The following SMYD3 variants were observed in gnomAD, a reference collection of about 807,000 sequenced individuals.
The protein encoded by SMYD3 is histone-lysine N-methyltransferase SMYD3.
In SMYD3, 36 loss-of-function variants were observed where a neutral mutation model predicts 57.7. The ratio of observed to expected loss-of-function variants is 0.62; its 90% confidence interval spans 0.48 to 0.82. The LOEUF (loss-of-function observed/expected upper bound fraction) is 0.82. SMYD3 is among the 40% of genes least tolerant of loss of function. The pLI, the probability that SMYD3 is intolerant of heterozygous loss-of-function variation, is 0.00. For synonymous variants in SMYD3, 211 were observed against 195.0 expected (o/e 1.08, Z -0.68); for missense variants, 515 against 538.8 (o/e 0.96, Z 0.44).
intron 5 of SMYD3, among the ~76,000 whole-genome samples, chr1:246,058,352 T>A (rs1296880239): frequency 2.0e-5 from 3 of 152,106 alleles, no homozygotes; most frequent in African/African-American, 4.8e-5. Flanking sequence ...AGGAGGGATA[T>A]GAGAAAACTC....
chr1:245,893,766 T>TGGG (rs1239099386), intron 8 of SMYD3, among the ~76,000 whole-genome samples: 1 of 150,600 alleles, frequency 6.6e-6, no homozygotes, highest in Non-Finnish European at 1.5e-5. Flanking sequence ...TTGATGGTGG[T>TGGG]GGTGGTGGTT....
At chr1:245,902,436 T>G (rs920449450) in intron 8 of SMYD3, among the ~76,000 whole-genome samples, 2 of 152,162 alleles carry the variant, frequency 1.3e-5, no homozygotes, top group Admixed American at 1.3e-4. Context: ...CCCATCTGTA[T>G]CCTATCTGGG....
chr1:246,371,594 T>A (rs1346903979), intron 1 of SMYD3, among the ~76,000 whole-genome samples: 2 of 152,222 alleles, frequency 1.3e-5, no homozygotes, highest in Non-Finnish European at 2.9e-5. Context: ...AATACATTTT[T>A]AAAAAGTACC....
At chr1:245,863,267 C>T (rs2051652975) in intron 9 of SMYD3, among the ~76,000 whole-genome samples, 1 of 152,210 alleles carries the variant, frequency 6.6e-6, no homozygotes, top group African/African-American at 2.4e-5. Context: ...GGAGCCTTCC[C>T]AGATGACCTT....
intron 10 of SMYD3, among the ~76,000 whole-genome samples, chr1:245,782,914 G>A (rs1256020599): frequency 6.6e-6 from 1 of 152,188 alleles, no homozygotes; most frequent in Non-Finnish European, 1.5e-5. Context: ...TGGCTGAAAA[G>A]AGTGACAAGG....
chr1:245,879,945 CGTT>C (rs879890302), intron 8 of SMYD3, among the ~76,000 whole-genome samples: 2,111 of 149,460 alleles, frequency 0.014, 27 homozygotes, highest in South Asian at 0.038. Flanking sequence ...AGCACAGGTG[CGTT>C]GCTGTACACA....
At chr1:245,861,958 T>C (rs956417342) in intron 9 of SMYD3, among the ~76,000 whole-genome samples, 3 of 151,856 alleles carry the variant, frequency 2.0e-5, no homozygotes, top group Admixed American at 1.3e-4. Context: ...CCTTGTCCAG[T>C]TGAAACTGAA....
At chr1:246,138,175 G>GC (rs1309306779) in intron 5 of SMYD3, among the ~76,000 whole-genome samples, 1 of 152,054 alleles carries the variant, frequency 6.6e-6, no homozygotes, top group African/African-American at 2.4e-5. Flanking sequence ...TAGCACCGAG[G>GC]CTGTGCACAG....
chr1:246,455,394 T>C (rs1457267947), intron 1 of SMYD3, among the ~76,000 whole-genome samples: 1 of 152,198 alleles, frequency 6.6e-6, no homozygotes, highest in Non-Finnish European at 1.5e-5. Flanking sequence ...CATCAAGAAA[T>C]TGTATTTCCA....
chr1:246,214,151 T>C (rs1267678769), intron 5 of SMYD3, among the ~76,000 whole-genome samples: 1 of 152,218 alleles, frequency 6.6e-6, no homozygotes, highest in Non-Finnish European at 1.5e-5. Flanking sequence ...ACTTGGTCTT[T>C]ACAATGGCAA....
chr1:245,925,234 A>G (rs866940961), intron 7 of SMYD3, among the ~76,000 whole-genome samples: 2 of 152,272 alleles, frequency 1.3e-5, no homozygotes, highest in South Asian at 2.1e-4. Context: ...ATATTTATAC[A>G]TATTTATGGG....
intron 5 of SMYD3, among the ~76,000 whole-genome samples, chr1:246,248,900 C>T (rs1283387594): frequency 3.4e-5 from 5 of 148,840 alleles, no homozygotes; most frequent in Admixed American, 6.8e-5. Context: ...TCGTGACCCG[C>T]GCGCCTCAGC....
chr1:245,847,967 C>T (rs1266915221), intron 10 of SMYD3, among the ~76,000 whole-genome samples: 1 of 152,148 alleles, frequency 6.6e-6, no homozygotes, highest in Non-Finnish European at 1.5e-5. Context: ...TAGCCCCATA[C>T]ATACTGGTGA....
intron 5 of SMYD3, among the ~76,000 whole-genome samples, chr1:246,082,710 A>G (rs4319289): frequency 0.2 from 30,373 of 151,860 alleles, 3,492 homozygotes; most frequent in East Asian, 0.4. Context: ...GAGAGATCAG[A>G]CTGTTACTGT....
intron 5 of SMYD3, among the ~76,000 whole-genome samples, chr1:246,000,060 A>G (rs2148145293): frequency 6.6e-6 from 1 of 152,346 alleles, no homozygotes; most frequent in African/African-American, 2.4e-5. Context: ...CTTGACTCCT[A>G]GTTTACACTC....
intron 5 of SMYD3, among the ~76,000 whole-genome samples, chr1:245,979,267 T>C (rs148699217): frequency 6.6e-6 from 1 of 152,106 alleles, no homozygotes; most frequent in African/African-American, 2.4e-5. Context: ...TAGGGGTGAA[T>C]AAGGAAGTTC....
intron 5 of SMYD3, among the ~76,000 whole-genome samples, chr1:246,252,539 AG>A (rs141544291): frequency 0.015 from 2,262 of 152,062 alleles, 40 homozygotes; most frequent in African/African-American, 0.035. Flanking sequence ...ATTCTGTTAA[AG>A]GTTTCTGTTT....
chr1:245,943,833 C>T (rs765785421), intron 5 of SMYD3, among the ~76,000 whole-genome samples: 2 of 152,102 alleles, frequency 1.3e-5, no homozygotes, highest in Non-Finnish European at 2.9e-5. Context: ...TCAATATTTG[C>T]AAATCGGTAA....
chr1:246,350,950 G>A (rs975251178), intron 2 of SMYD3, among the ~76,000 whole-genome samples: 7 of 152,126 alleles, frequency 4.6e-5, no homozygotes, highest in Non-Finnish European at 8.8e-5. Flanking sequence ...AGTACATTCC[G>A]TGCAAAGCCT....
Sources: gnomAD v4.1 joint callset for allele counts (sites outside exome capture counted in the v4.1 genomes callset) on GRCh38, gnomAD v4.1.1 for gene constraint, MANE v1.5 for transcripts, NCBI Gene and HGNC (gene_info 2026-07-23, HGNC 2026-07-21) for gene names.